VPS13B: variants seen among roughly 807,000 people sequenced by gnomAD.
VPS13B encodes vacuolar protein sorting 13 homolog B, also known as intermembrane lipid transfer protein VPS13B.
A neutral mutation model predicts 426.4 loss-of-function variants in VPS13B; 285 were observed. The ratio of observed to expected loss-of-function variants is 0.67; its 90% CI spans 0.61 to 0.74. The LOEUF is 0.74. Among genes scored for constraint, VPS13B ranks in the 30% least tolerant of loss-of-function variants. The pLI is 0.00. For missense variants in VPS13B, 4,537 were observed against 4,782.6 expected, an observed-to-expected ratio of 0.95 and a Z score of 1.51; for synonymous variants, 1,676 against 1,676.4, an observed-to-expected ratio of 1.00 and a Z score of 0.01.
chr8:99,434,227 G>T (rs1817260971), intron 22 of VPS13B, among the ~76,000 whole-genome samples: 1 of 152,130 alleles, frequency 6.6e-6, no homozygotes, highest in Admixed American at 6.5e-5. Flanking sequence ...TATTTATGAA[G>T]TCCCTGGTCT....
intron 33 of VPS13B, among the ~76,000 whole-genome samples, chr8:99,640,043 G>GAAGAGAA (rs1554883860): frequency 0.016 from 1,308 of 82,098 alleles, 31 homozygotes; most frequent in South Asian, 0.098. Context: ...AGAAGAAGAA[G>GAAGAGAA]AAGAAGAGAA....
At chr8:99,241,706 A>G (rs1237084678) in intron 17 of VPS13B, among the ~76,000 whole-genome samples, 1 of 152,170 alleles carries the variant, frequency 6.6e-6, no homozygotes, top group Non-Finnish European at 1.5e-5. Flanking sequence ...TGAAAGAAGC[A>G]ATTTTTTTTG....
At chr8:99,046,230 T>C (rs1325982329) in intron 3 of VPS13B, among the ~76,000 whole-genome samples, 1 of 152,190 alleles carries the variant, frequency 6.6e-6, no homozygotes, top group Non-Finnish European at 1.5e-5. Context: ...GCAGTGTTTG[T>C]AGTTTTCCTT....
intron 25 of VPS13B, among the ~76,000 whole-genome samples, chr8:99,490,771 G>A (rs1268609866): frequency 6.6e-6 from 1 of 151,892 alleles, no homozygotes; most frequent in Non-Finnish European, 1.5e-5. Context: ...TTTTTATTGT[G>A]TCTATTTGAT....
chr8:99,569,990 G>T (rs1563801861), intron 31 of VPS13B, among the ~76,000 whole-genome samples: 1 of 152,146 alleles, frequency 6.6e-6, no homozygotes, highest in Non-Finnish European at 1.5e-5. Context: ...CTTTGTTTAT[G>T]TGGACAATAT....
At chr8:99,251,512 T>A (rs927026301) in intron 17 of VPS13B, among the ~76,000 whole-genome samples, 3 of 152,204 alleles carry the variant, frequency 2.0e-5, no homozygotes, top group Non-Finnish European at 4.4e-5. Context: ...GGAATGAATC[T>A]GAGTTGGCCA....
chr8:99,640,412 G>T (rs1829311253), intron 33 of VPS13B, among the ~76,000 whole-genome samples: 1 of 151,878 alleles, frequency 6.6e-6, no homozygotes, highest in South Asian at 2.1e-4. Flanking sequence ...GACCACAGGG[G>T]CACACCACCA....
intron 25 of VPS13B, among the ~76,000 whole-genome samples, chr8:99,487,942 A>T (rs1290394919): frequency 1.3e-5 from 2 of 152,156 alleles, no homozygotes; most frequent in Non-Finnish European, 2.9e-5. Context: ...TTTTTAATGA[A>T]ATAGTTTTGC....
intron 43 of VPS13B, among the ~76,000 whole-genome samples, chr8:99,793,191 A>C (rs1299564936): frequency 6.8e-6 from 1 of 147,498 alleles, no homozygotes; most frequent in Non-Finnish European, 1.5e-5. Flanking sequence ...GCAACAGAGC[A>C]AGACCCTGTC....
chr8:99,065,037 A>C (rs550137171), intron 3 of VPS13B, among the ~76,000 whole-genome samples: 26 of 152,338 alleles, frequency 1.7e-4, no homozygotes, highest in Middle Eastern at 3.4e-3. Flanking sequence ...GAAATAAAAT[A>C]CTTTACAGAC....
At chr8:99,418,483 C>A (rs1428099117) in intron 21 of VPS13B, among the ~76,000 whole-genome samples, 1 of 146,444 alleles carries the variant, frequency 6.8e-6, no homozygotes, top group Non-Finnish European at 1.5e-5. Flanking sequence ...TTCTTTCTTT[C>A]TTTCTTTCTT....
intron 19 of VPS13B, among the ~76,000 whole-genome samples, chr8:99,366,480 G>A (rs1300941880): frequency 6.7e-6 from 1 of 148,500 alleles, no homozygotes; most frequent in Non-Finnish European, 1.5e-5. Context: ...GTCTTTATGG[G>A]TGAAGTGTGT....
At chr8:99,598,596 A>G (rs1235049614) in intron 33 of VPS13B, among the ~76,000 whole-genome samples, 3 of 152,082 alleles carry the variant, frequency 2.0e-5, no homozygotes, top group African/African-American at 4.8e-5. Context: ...AATATAAACC[A>G]TGTTTTTAGG....
chr8:99,336,524 G>T (rs867469650), intron 19 of VPS13B, among the ~76,000 whole-genome samples: 202 of 152,076 alleles, frequency 1.3e-3, no homozygotes, highest in African/African-American at 3.7e-3. Flanking sequence ...GGGATCTAAT[G>T]AAACTAAAGA....
chr8:99,718,229 A>C (rs1359635388), intron 37 of VPS13B, among the ~76,000 whole-genome samples: 5 of 151,928 alleles, frequency 3.3e-5, no homozygotes. Context: ...ATGTGCCACC[A>C]CACCCAGCTA....
At chr8:99,520,561 A>G (rs1470239840) in intron 29 of VPS13B, among the ~76,000 whole-genome samples, 2 of 152,100 alleles carry the variant, frequency 1.3e-5, no homozygotes, top group African/African-American at 4.8e-5. Flanking sequence ...AGCATTTAGG[A>G]GAAATATGCA....
chr8:99,096,296 TTTAAAA>T lies in VPS13B; in HGVS notation c.292-14_292-9del. The T allele has an allele frequency of 6.2e-7, 1 of 1,613,434 alleles. No individual in the cohort carries two copies. Among genetic ancestry groups the T allele is most frequent in the Non-Finnish European group, 8.5e-7 (1 of 1,179,642 alleles). On this transcript the variant is annotated splice_polypyrimidine_tract_variant and intron_variant, in intron 3 of 61. Coordinates refer to ENST00000357162, the MANE Select transcript of VPS13B (RefSeq NM_152564.5). ...TGATCGATGGTTTTCTTTTTCTTTC[TTTAAAA>T]TAAAAATAGGATGACCATGAAAGCT... is the stretch of plus-strand genomic sequence containing the variant.
intron 34 of VPS13B, 110 bp downstream of exon 34, chr8:99,642,608 C>A: frequency 1.0e-6 from 1 of 956,886 alleles, no homozygotes; most frequent in Non-Finnish European, 1.6e-6. Context: ...AAAGTCTTTT[C>A]TCTACAGAAT....
chr8:99,190,373 TTCC>T (rs1813490691), intron 16 of VPS13B, among the ~76,000 whole-genome samples: 1 of 152,042 alleles, frequency 6.6e-6, no homozygotes, highest in African/African-American at 2.4e-5. Context: ...GAAGAATCTC[TTCC>T]TTGAATTGGT....
Sources: gnomAD v4.1 joint callset for allele counts (sites outside exome capture counted in the v4.1 genomes callset) on GRCh38, gnomAD v4.1.1 for gene constraint, MANE v1.5 for transcripts, NCBI Gene and HGNC (gene_info 2026-07-23, HGNC 2026-07-21) for gene names.